The following MAST2 variants were observed in gnomAD, a reference collection of about 807,000 sequenced individuals.
MAST2 encodes the protein microtubule-associated serine/threonine-protein kinase 2.
Under a neutral mutation model 147.4 loss-of-function variants are expected in MAST2, and 70 were observed. The ratio of observed to expected loss-of-function variants is 0.47; its 90% CI spans 0.39 to 0.58. The LOEUF (loss-of-function observed/expected upper bound fraction) is 0.58. Ranked by LOEUF, MAST2 falls within the 20% of genes least tolerant of loss-of-function variation. The pLI is 0.00. For missense variants in MAST2, 2,080 were observed against 2,302.3 expected (o/e 0.90, Z 1.98); for synonymous variants, 869 against 896.8 (o/e 0.97, Z 0.55).
intron 4 of MAST2, among the ~76,000 whole-genome samples, chr1:45,889,473 C>T (rs1380711745): frequency 6.6e-6 from 1 of 152,160 alleles, no homozygotes; most frequent in African/African-American, 2.4e-5. Flanking sequence ...AGGTGTGAGC[C>T]TCTGCACCTG....
intron 1 of MAST2, among the ~76,000 whole-genome samples, chr1:45,822,734 C>A (rs1256637364): frequency 6.6e-6 from 1 of 151,662 alleles, no homozygotes; most frequent in Non-Finnish European, 1.5e-5. Context: ...GAGCTTCTTG[C>A]TGTGCTTGTC....
Position 46,035,765 on chromosome 1 carries a change from C to T in MAST2, c.5096C>T (p.Pro1699Leu). 6.2e-7 allele frequency: 1 copy of T among 1,614,042 alleles called. No individual in the cohort carries two copies. Residue 1699 changes from proline (P) to leucine (L), a missense_variant, in exon 29 of 29, where the codon CCC becomes CTC. Physicochemically the swap from Pro to Leu is moderately conservative, Grantham distance 98. Around this residue, in one of 4 missense-constraint regions of MAST2, gnomAD observed 1,278 missense variants for 1,304.2 expected, o/e 0.98. Transcript: ENST00000361297. The surrounding 1 kb of genome is among the most constrained non-coding windows in gnomAD (Gnocchi z 5.5). The part of the protein sequence containing the change: ...TTPAQPKNLS[P>L]REQGKTQPPS... ...CCAGCCCAGCCTAAGAACCTGTCTC[C>T]CAGGGAGCAGGGGAAGACACAGCCA...
intron 4 of MAST2, among the ~76,000 whole-genome samples, chr1:45,910,263 G>A (rs1299449512): frequency 2.6e-5 from 4 of 151,974 alleles, no homozygotes; most frequent in Non-Finnish European, 5.9e-5. Flanking sequence ...AAAATAAGAC[G>A]TAGTTATATC....
chr1:45,916,960 C>T (rs1243296002), intron 4 of MAST2, among the ~76,000 whole-genome samples: 1 of 152,128 alleles, frequency 6.6e-6, no homozygotes, highest in African/African-American at 2.4e-5. Context: ...TGCCTGTAAT[C>T]CCAGCTACTT....
chr1:45,806,032 G>C (rs1644131468), intron 1 of MAST2, among the ~76,000 whole-genome samples: 1 of 152,018 alleles, frequency 6.6e-6, no homozygotes, highest in African/African-American at 2.4e-5. Context: ...TTTTTGTGTG[G>C]GATTACTTTT....
At chr1:46,034,389 G>C (rs1044388896) in intron 28 of MAST2, 123 bp downstream of exon 28, 14 of 1,349,186 alleles carry the variant, frequency 1.0e-5, no homozygotes, top group African/African-American at 4.4e-5. Flanking sequence ...GAAAGATCCT[G>C]TAGTCTTGGG....
chr1:45,923,927 A>G (rs776202682), intron 4 of MAST2, among the ~76,000 whole-genome samples: 4 of 152,148 alleles, frequency 2.6e-5, no homozygotes, highest in Non-Finnish European at 4.4e-5. Context: ...GCTGGAGTGC[A>G]GTAGCATGAT....
At chr1:45,848,724 A>G (rs528762511) in intron 3 of MAST2, among the ~76,000 whole-genome samples, 55 of 152,304 alleles carry the variant, frequency 3.6e-4, no homozygotes, top group Non-Finnish European at 3.8e-4. Flanking sequence ...AGTTAAGGGT[A>G]TAGCCGGAGT....
chr1:45,836,520 C>T (rs894796103), intron 3 of MAST2, among the ~76,000 whole-genome samples: 13 of 151,998 alleles, frequency 8.6e-5, no homozygotes, highest in African/African-American at 3.1e-4. Flanking sequence ...CCTTAATTTT[C>T]ACGAGTTCAA....
At chr1:46,002,645 G>T (rs79420827) in intron 6 of MAST2, among the ~76,000 whole-genome samples, 160 bp from the exon 7 acceptor site, 1 of 152,208 alleles carries the variant, frequency 6.6e-6, no homozygotes, top group Non-Finnish European at 1.5e-5. Flanking sequence ...GCCCTCTGTA[G>T]GGGAGAGATA....
intron 4 of MAST2, among the ~76,000 whole-genome samples, chr1:45,934,886 G>A (rs990212058): frequency 2.4e-4 from 37 of 152,288 alleles, no homozygotes; most frequent in African/African-American, 7.5e-4. Context: ...CTTTTTGATA[G>A]AACGACTTAT....
intron 3 of MAST2, among the ~76,000 whole-genome samples, chr1:45,867,834 T>C (rs1646220765): frequency 6.6e-6 from 1 of 152,160 alleles, no homozygotes. Context: ...GGTTTAAATG[T>C]TAGGTAAATG....
intron 26 of MAST2, among the ~76,000 whole-genome samples, chr1:46,033,109 CTAAAAA>C: frequency 6.6e-6 from 1 of 151,996 alleles, no homozygotes; most frequent in South Asian, 2.1e-4. Flanking sequence ...CAAAACTCTA[CTAAAAA>C]TAACAAAAAT....
At chr1:45,841,984 C>G (rs1035792538) in intron 3 of MAST2, among the ~76,000 whole-genome samples, 1 of 152,114 alleles carries the variant, frequency 6.6e-6, no homozygotes. Context: ...GGAAAGAAGC[C>G]TGGTACCAGA....
At chr1:45,914,929 T>A (rs1004768230) in intron 4 of MAST2, among the ~76,000 whole-genome samples, 5 of 152,160 alleles carry the variant, frequency 3.3e-5, no homozygotes, top group Non-Finnish European at 7.4e-5. Flanking sequence ...AAAACTTAAA[T>A]GGTCAAAAAT....
At chr1:45,872,482 G>GT (rs796554757) in intron 3 of MAST2, among the ~76,000 whole-genome samples, 2,120 of 140,646 alleles carry the variant, frequency 0.015, 34 homozygotes, top group African/African-American at 0.041. Context: ...CCATTTCGTG[G>GT]TTTTTTTTTT....
chr1:45,872,279 G>A (rs150178525), intron 3 of MAST2, among the ~76,000 whole-genome samples: 5 of 152,260 alleles, frequency 3.3e-5, no homozygotes, highest in African/African-American at 9.6e-5. Flanking sequence ...TCATCTCCAC[G>A]CTGGTGACTG....
chr1:46,034,966 C>T lies in MAST2; in HGVS notation c.4297C>T (p.Pro1433Ser). The change falls in exon 29 of 29, where the codon CCC becomes TCC. Residue 1433 changes from proline to serine, a missense_variant. Pro to Ser is a moderately conservative substitution (Grantham distance 74). Around this residue, in one of 4 missense-constraint regions of MAST2, gnomAD observed 1,278 missense variants for 1,304.2 expected, o/e 0.98. Coordinates refer to ENST00000361297, the MANE Select transcript of MAST2 (RefSeq NM_015112.3). ...ATSRKHSLDL[P>S]HSELKKELPP... ...TTCTCGCAAGCACAGCCTTGACCTG[C>T]CCCACTCTGAACTAAAGAAGGAACT... 1.9e-6 allele frequency: 3 copies of T among 1,614,060 alleles called. No individual in the cohort carries two copies. Among genetic ancestry groups the T allele is most frequent in the Non-Finnish European group, 2.5e-6 (3 of 1,180,002 alleles).
chr1:46,018,177 C>T (rs151205780), intron 10 of MAST2, among the ~76,000 whole-genome samples: 40 of 152,326 alleles, frequency 2.6e-4, no homozygotes, highest in Admixed American at 1.7e-3. Flanking sequence ...CCTCTTCCTA[C>T]TGGTGTGTCA....
Sources: allele counts gnomAD v4.1 joint callset (sites outside exome capture counted in the v4.1 genomes callset), GRCh38; gene constraint gnomAD v4.1.1; regional missense constraint gnomAD v4.1.1; non-coding constraint Gnocchi (gnomAD v3.1); transcripts MANE v1.5; gene names NCBI Gene and HGNC (gene_info 2026-07-23, HGNC 2026-07-21).